Variants in PLAUR observed in about 807,000 individuals in gnomAD.
The protein encoded by PLAUR is plasminogen activator, urokinase receptor, also known as urokinase plasminogen activator surface receptor.
In PLAUR, 22 loss-of-function variants were observed where a neutral mutation model predicts 33.4. The ratio of observed to expected loss-of-function variants is 0.66; its 90% CI spans 0.47 to 0.94. The LOEUF (loss-of-function observed/expected upper bound fraction) is 0.94. Among genes scored for constraint, PLAUR ranks in the 40% least tolerant of loss-of-function variants. The probability of loss-of-function intolerance (pLI) is 0.00; values close to 1 mark genes in which losing one functional copy is unlikely to be tolerated. For synonymous variants in PLAUR, 148 were observed against 167.3 expected (o/e 0.88, Z 0.89); for missense variants, 408 against 434.7 (o/e 0.94, Z 0.55).
chr19:43,647,005 T>C (rs1973836352), downstream of PLAUR, among the ~76,000 whole-genome samples: 1 of 151,986 alleles, frequency 6.6e-6, no homozygotes. Context: ...GGTCTCAAAC[T>C]CCTGCCTCAA....
At chr19:43,656,102 A>T (rs1974197455) in intron 4 of PLAUR, among the ~76,000 whole-genome samples, 1 of 151,876 alleles carries the variant, frequency 6.6e-6, no homozygotes, top group Non-Finnish European at 1.5e-5. Context: ...AAAATACAAA[A>T]ATTAGCAAGG....
chr19:43,655,770 C>T (rs898111365), intron 4 of PLAUR, among the ~76,000 whole-genome samples, 197 bp from the exon 5 acceptor site: 8 of 152,136 alleles, frequency 5.3e-5, no homozygotes, highest in African/African-American at 1.9e-4. Context: ...TGATGAAGTT[C>T]GGACTAATGT....
intron 3 of PLAUR, among the ~76,000 whole-genome samples, chr19:43,659,636 T>C (rs970241616): frequency 6.6e-6 from 1 of 152,174 alleles, no homozygotes; most frequent in African/African-American, 2.4e-5. Flanking sequence ...CTCAAACACC[T>C]GTCCTAAACA....
chr19:43,646,325 T>C (rs572438916), downstream of PLAUR: 1 of 615,310 alleles, frequency 1.6e-6, no homozygotes, highest in South Asian at 2.0e-5. Context: ...GAAACTAATA[T>C]AGCCAAGTTT....
At chr19:43,664,809 G>A (rs946337979) in intron 3 of PLAUR, among the ~76,000 whole-genome samples, 1 of 152,142 alleles carries the variant, frequency 6.6e-6, no homozygotes, top group Non-Finnish European at 1.5e-5. Context: ...GATTGGGCAG[G>A]ACCATCTCCT....
intron 5 of PLAUR, among the ~76,000 whole-genome samples, chr19:43,653,674 G>A (rs1298935926): frequency 6.7e-6 from 1 of 149,996 alleles, no homozygotes; most frequent in Non-Finnish European, 1.5e-5. Flanking sequence ...AGAAAGAAAG[G>A]AAGAAAGAAA....
At chr19:43,665,218 G>GTATGTAAA in intron 3 of PLAUR, 98 bp downstream of exon 3, 1 of 1,264,666 alleles carries the variant, frequency 7.9e-7, no homozygotes, top group South Asian at 1.2e-5. Flanking sequence ...ATGGAGTTGG[G>GTATGTAAA]GTTCAGCTGA....
intron 3 of PLAUR, among the ~76,000 whole-genome samples, chr19:43,659,006 G>C (rs768817969): frequency 6.6e-6 from 1 of 151,676 alleles, no homozygotes; most frequent in African/African-American, 2.4e-5. Context: ...AGCCCTCCCT[G>C]ACCCATCAGC....
intron 3 of PLAUR, among the ~76,000 whole-genome samples, chr19:43,658,580 T>C (rs1974305397): frequency 6.6e-6 from 1 of 152,208 alleles, no homozygotes; most frequent in East Asian, 1.9e-4. Flanking sequence ...GTTGGCCAAC[T>C]GGATCCGTTA....
At chr19:43,668,397 CG>C (rs1394317453) in intron 1 of PLAUR, 3 of 724,858 alleles carry the variant, frequency 4.1e-6, no homozygotes, top group Non-Finnish European at 5.1e-6. Context: ...CTTATCTTCC[CG>C]CCCCCTAGCT....
In PLAUR at chr19:43,669,726, C is replaced by T. The variant is rs541170292; in HGVS notation, c.55+340G>A. On this transcript the variant is annotated intron_variant, in intron 1 of 6. Coordinates refer to ENST00000340093, the MANE Select transcript of PLAUR (RefSeq NM_002659.4). ...ACCCAGGAGGCTGAGGCAGGAGAAT[C>T]GCTTGAACCCGGGCGGCAGAGGTTG... Among the ~76,000 whole-genome samples, 3 of 146,522 alleles carry T rather than the reference C, an allele frequency of 2.0e-5. No individual in the cohort carries two copies. In the East Asian group the frequency reaches 6.2e-4, roughly 30 times the overall value.
chr19:43,648,768 T>G lies in PLAUR; in HGVS notation c.*122A>C. On this transcript the variant is annotated 3_prime_UTR_variant, in exon 7 of 7. Coordinates refer to ENST00000340093, the MANE Select transcript of PLAUR (RefSeq NM_002659.4). ...TAGCTGTTTTCATAGCTGGGAAAACTGAGGCCCAGAGAGGTCGGCACACTG... is the reference window on the plus strand; with the variant it reads ...TAGCTGTTTTCATAGCTGGGAAAACGGAGGCCCAGAGAGGTCGGCACACTG... The G allele has an allele frequency of 9.0e-7, 1 of 1,112,774 alleles. No homozygotes were observed. The highest frequency in any genetic ancestry group is 1.3e-6 in the Non-Finnish European group (1 of 777,532). The allele number at this position is 1,112,774 out of a possible 1,614,324, so 68.9% of individuals were successfully genotyped here. A position where few individuals can be genotyped will look rare whatever the true frequency, so the allele number is the denominator to read the frequency against.
chr19:43,647,085 T>C (rs547020716), downstream of PLAUR, among the ~76,000 whole-genome samples: 4 of 152,250 alleles, frequency 2.6e-5, no homozygotes, highest in South Asian at 8.3e-4. Flanking sequence ...CAGCCGAAGA[T>C]ATCTTATTTT....
At chr19:43,655,180 A>G (rs1188543284) in intron 5 of PLAUR, among the ~76,000 whole-genome samples, 1 of 149,634 alleles carries the variant, frequency 6.7e-6, no homozygotes, top group Non-Finnish European at 1.5e-5. Context: ...AGGAGGCTGA[A>G]GCAGGAGAAT....
At chr19:43,655,185 G>A (rs904062913) in intron 5 of PLAUR, among the ~76,000 whole-genome samples, 1 of 146,208 alleles carries the variant, frequency 6.8e-6, no homozygotes, top group African/African-American at 2.6e-5. Flanking sequence ...GCTGAAGCAG[G>A]AGAATCGCTT....
chr19:43,668,621 G>A (rs1568567491), intron 1 of PLAUR, among the ~76,000 whole-genome samples: 1 of 127,336 alleles, frequency 7.9e-6, no homozygotes, highest in African/African-American at 3.1e-5. Flanking sequence ...GGCCCCTTGA[G>A]GTCCTAGCCC....
At chr19:43,655,303 C>T (rs1600122530) in intron 5 of PLAUR, 136 bp downstream of exon 5, 3 of 638,224 alleles carry the variant, frequency 4.7e-6, no homozygotes, top group South Asian at 4.4e-5. Flanking sequence ...AAAAAAAGGC[C>T]TGATACTCCC....
At chr19:43,667,919 C>G (rs997037173) in intron 1 of PLAUR, 2 of 1,387,174 alleles carry the variant, frequency 1.4e-6, no homozygotes, top group Non-Finnish European at 1.9e-6. Context: ...CAAGTCCTTT[C>G]CCAAAGTCCT....
intron 2 of PLAUR, among the ~76,000 whole-genome samples, chr19:43,666,493 CTCCCTCCCTCCCTGCCTCTCTCCG>C (rs879508159): frequency 2.1e-4 from 31 of 150,650 alleles, no homozygotes; most frequent in Non-Finnish European, 2.7e-4. Context: ...TCCCTCCTCC[CTCCCTCCCTCCCTGCCTCTCTCCG>C]TCCCTCCCTC....
Sources: gnomAD v4.1 joint callset for allele counts (sites outside exome capture counted in the v4.1 genomes callset) on GRCh38, gnomAD v4.1.1 for gene constraint, MANE v1.5 for transcripts, NCBI Gene and HGNC (gene_info 2026-07-23, HGNC 2026-07-21) for gene names.